ZDHHC11B: variants seen among roughly 807,000 people sequenced by gnomAD.
ZDHHC11B encodes the protein zDHHC palmitoyltransferase 11B (putative).
In ZDHHC11B, 17 loss-of-function variants were observed where a neutral mutation model predicts 42.3. That is an observed-to-expected ratio of 0.40 (90% CI 0.27 to 0.60). ZDHHC11B has a LOEUF of 0.60. ZDHHC11B is among the 20% of genes least tolerant of loss of function. ZDHHC11B has a pLI of 0.41. For missense variants in ZDHHC11B, 262 were observed against 463.2 expected (o/e 0.57, Z 3.99); for synonymous variants, 123 against 193.5 (o/e 0.64, Z 3.02).
intron 13 of ZDHHC11B, 114 bp downstream of exon 13, chr5:716,687 C>T: frequency 7.4e-7 from 1 of 1,346,144 alleles, no homozygotes; most frequent in Non-Finnish European, 1.0e-6. Context: ...AGACAAACGA[C>T]AAGCAGCCCA....
In ZDHHC11B at chr5:712,777, C is replaced by T. The variant is rs150841629; in HGVS notation, c.*8-495G>A. On this transcript the variant is annotated intron_variant, in intron 13 of 13. Coordinates refer to ENST00000508859, the MANE Select transcript of ZDHHC11B (RefSeq NM_001351303.2). Reference sequence around the variant, plus strand: ...ACAAAAAATTAGCCAGGTGTGGTGGCGGGCAACTGTAGGCCCAGCTACATG... The same window carrying T: ...ACAAAAAATTAGCCAGGTGTGGTGGTGGGCAACTGTAGGCCCAGCTACATG... Among the ~76,000 whole-genome samples the T allele has an allele frequency of 9.6e-3, 1,441 of 150,712 alleles. 17 individuals are homozygous for T. The highest frequency in any genetic ancestry group is 0.023 in the African/African-American group (959 of 41,116).
At chr5:776,467 C>G (rs548941684) in intron 1 of ZDHHC11B, among the ~76,000 whole-genome samples, 19 of 151,978 alleles carry the variant, frequency 1.3e-4, no homozygotes, top group Non-Finnish European at 8.8e-5. Flanking sequence ...CCGGGTAGGC[C>G]CCTGGCCAGC....
At chr5:777,095 G>A (rs1160899072) in intron 1 of ZDHHC11B, among the ~76,000 whole-genome samples, 4 of 151,916 alleles carry the variant, frequency 2.6e-5, no homozygotes, top group Non-Finnish European at 5.9e-5. Context: ...GCCCCGCAGT[G>A]AGTGTCACAG....
chr5:765,703 A>G (rs1297057675), intron 4 of ZDHHC11B, among the ~76,000 whole-genome samples: 22 of 151,884 alleles, frequency 1.4e-4, no homozygotes, highest in African/African-American at 4.8e-4. Flanking sequence ...TATGAGCTCT[A>G]ACACTCGCAG....
chr5:743,475 G>C (rs1319860137), intron 9 of ZDHHC11B, among the ~76,000 whole-genome samples: 1 of 148,076 alleles, frequency 6.8e-6, no homozygotes, highest in African/African-American at 2.5e-5. Context: ...AGCAGGGATT[G>C]TGGTAAATCT....
intron 8 of ZDHHC11B, 139 bp downstream of exon 8, chr5:748,265 A>G: frequency 1.4e-6 from 1 of 698,784 alleles, no homozygotes; most frequent in Non-Finnish European, 2.3e-6. Context: ...CCCTGAACAC[A>G]TGCGCACACG....
intron 12 of ZDHHC11B, among the ~76,000 whole-genome samples, chr5:726,090 A>C (rs1424795699): frequency 6.8e-6 from 1 of 147,066 alleles, no homozygotes; most frequent in Non-Finnish European, 1.5e-5. Context: ...CAAAACGCAG[A>C]CCAGAATATC....
At chr5:770,061 G>T (rs1347290313) in intron 1 of ZDHHC11B, among the ~76,000 whole-genome samples, 1 of 151,776 alleles carries the variant, frequency 6.6e-6, no homozygotes, top group African/African-American at 2.4e-5. Context: ...GTCCCCCGGG[G>T]ACTTGGGGGG....
In ZDHHC11B at chr5:750,553, G is replaced by A. The variant is rs1189165207; in HGVS notation, c.628+580C>T. On this transcript the variant is annotated intron_variant, in intron 7 of 13. Coordinates refer to ENST00000508859, the MANE Select transcript of ZDHHC11B (RefSeq NM_001351303.2). Reference sequence around the variant, plus strand: ...AGTCACAGCCGCAGGCCCATTTCCCGAGGATGCTGGCATCACGGGATCTGG... The same window carrying A: ...AGTCACAGCCGCAGGCCCATTTCCCAAGGATGCTGGCATCACGGGATCTGG... 2.3e-5 allele frequency among the ~76,000 whole-genome samples: 3 copies of A among 130,504 alleles called. 1 individual carries two copies. The highest frequency in any genetic ancestry group is 5.1e-5 in the Non-Finnish European group (3 of 58,630). 85.6% of individuals were successfully genotyped at this position (130,504 alleles called of 152,430 possible).
chr5:737,171 G>T (rs1428421780), intron 10 of ZDHHC11B, among the ~76,000 whole-genome samples: 2 of 149,076 alleles, frequency 1.3e-5, no homozygotes, highest in Admixed American at 1.4e-4. Context: ...ATCATTTAAG[G>T]CCAATATGAA....
At chr5:776,173 C>A (rs1265459620) in intron 1 of ZDHHC11B, among the ~76,000 whole-genome samples, 2 of 151,378 alleles carry the variant, frequency 1.3e-5, no homozygotes, top group African/African-American at 2.4e-5. Context: ...CATTAAACCC[C>A]ACTCCTGTTT....
chr5:743,215 C>G (rs1744364973), intron 9 of ZDHHC11B, among the ~76,000 whole-genome samples: 1 of 149,244 alleles, frequency 6.7e-6, no homozygotes, highest in Non-Finnish European at 1.5e-5. Context: ...TGGTCCATTT[C>G]TCTATATCTG....
intron 13 of ZDHHC11B, among the ~76,000 whole-genome samples, chr5:713,785 C>A (rs1166504858): frequency 1.3e-5 from 2 of 151,928 alleles, no homozygotes; most frequent in Admixed American, 1.3e-4. Context: ...GATTCCTTTG[C>A]GGGTAGAGAA....
rs570630801 is a variant in ZDHHC11B at position 736,839 on chromosome 5, C to A, written c.936-3000G>T. The stretch of plus-strand genomic sequence containing the variant: ...GTGATGTTTAAAGGAATGTTCACAG[C>A]ATTAAATGGCCACATCAAAAAGACT... On this transcript the variant is annotated intron_variant, in intron 10 of 13. Transcript: ENST00000508859. 1.7e-3 allele frequency among the ~76,000 whole-genome samples: 222 copies of A among 129,186 alleles called. 6 individuals carry two copies. Among genetic ancestry groups the A allele is most frequent in the African/African-American group, 6.1e-3 (216 of 35,140 alleles). The allele number at this position is 129,186 out of a possible 152,430, so 84.8% of individuals were successfully genotyped here. A position where few individuals can be genotyped will look rare whatever the true frequency, so the allele number is the denominator to read the frequency against.
Position 770,179 on chromosome 5 carries a change from G to A in ZDHHC11B, c.-229-1249C>T, listed in dbSNP as rs182940043. Among the ~76,000 whole-genome samples, 87 of 150,558 alleles carry A rather than the reference G, an allele frequency of 5.8e-4. 3 individuals carry two copies. In the East Asian group the frequency reaches 0.016, roughly 28 times the overall value. On this transcript the variant is annotated intron_variant, in intron 1 of 13. Transcript: ENST00000508859. ...CCATGTCCCAGCTGAGCCGGGTGCA[G>A]CCCAGGAAACCCCGCCATACCAATG...
chr5:783,792 A>C (rs1737042706), intron 1 of ZDHHC11B, among the ~76,000 whole-genome samples: 2 of 90,018 alleles, frequency 2.2e-5, no homozygotes, highest in Non-Finnish European at 4.1e-5. Context: ...AAACCCCATC[A>C]AAACAGCAGC....
chr5:772,745 G>C (rs1736161043), intron 1 of ZDHHC11B, among the ~76,000 whole-genome samples: 2 of 151,754 alleles, frequency 1.3e-5, no homozygotes. Flanking sequence ...CTGCACCAAG[G>C]GGTGGAGCAG....
chr5:777,780 G>A (rs1387780192), intron 1 of ZDHHC11B, among the ~76,000 whole-genome samples: 1 of 151,960 alleles, frequency 6.6e-6, no homozygotes, highest in East Asian at 1.9e-4. Context: ...CGGATCCTGA[G>A]CCCCGCAGCA....
chr5:730,589 T>A (rs1445917391), intron 11 of ZDHHC11B, 121 bp from the exon 12 acceptor site: 10 of 1,098,142 alleles, frequency 9.1e-6, no homozygotes, highest in Admixed American at 3.7e-5. Flanking sequence ...ACTTCAAGAA[T>A]GCCTGGATCA....
Sources: allele counts gnomAD v4.1 joint callset (sites outside exome capture counted in the v4.1 genomes callset), GRCh38; gene constraint gnomAD v4.1.1; transcripts MANE v1.5; gene names NCBI Gene and HGNC (gene_info 2026-07-23, HGNC 2026-07-21).